GNPDA2: variants seen among roughly 807,000 people sequenced by gnomAD.
The protein encoded by GNPDA2 is glucosamine-6-phosphate deaminase 2, also known as glcN6P deaminase 2.
Under a neutral mutation model 27.0 loss-of-function variants are expected in GNPDA2, and 24 were observed. The ratio of observed to expected loss-of-function variants is 0.89; its 90% confidence interval spans 0.64 to 1.25. The LOEUF is 1.25. Ranked by LOEUF, GNPDA2 falls within the 50% of genes most tolerant of loss-of-function variation. The probability of loss-of-function intolerance (pLI) is 0.00; values close to 1 mark genes in which losing one functional copy is unlikely to be tolerated. For synonymous variants in GNPDA2, 94 were observed against 108.4 expected (o/e 0.87, Z 0.83); for missense variants, 286 against 335.1 (o/e 0.85, Z 1.14).
chr4:44,706,242 TTGATA>T (rs1201234714), intron 6 of GNPDA2: 2 of 151,864 alleles, frequency 1.3e-5, no homozygotes, highest in African/African-American at 4.8e-5. Flanking sequence ...GTTTTTCAGT[TTGATA>T]TATTTGTGGC....
intron 1 of GNPDA2, 61 bp from the exon 2 acceptor site, chr4:44,722,303 T>C: frequency 7.9e-7 from 1 of 1,262,656 alleles, no homozygotes; most frequent in Non-Finnish European, 1.1e-6. Flanking sequence ...ATTCAGTAAC[T>C]TTTTAAAAGA....
intron 3 of GNPDA2, among the ~76,000 whole-genome samples, chr4:44,718,081 T>C (rs1717424860): frequency 6.6e-6 from 1 of 151,898 alleles, no homozygotes; most frequent in Non-Finnish European, 1.5e-5. Flanking sequence ...GAGCTTCTGA[T>C]TTCTAGTCCT....
chr4:44,723,447 C>A (rs1717806893), intron 1 of GNPDA2, among the ~76,000 whole-genome samples: 1 of 152,134 alleles, frequency 6.6e-6, no homozygotes, highest in South Asian at 2.1e-4. Context: ...CTTTCCATCA[C>A]CACGTGTACA....
intron 2 of GNPDA2, among the ~76,000 whole-genome samples, chr4:44,721,686 G>A (rs1225028585): frequency 2.0e-5 from 3 of 151,916 alleles, no homozygotes; most frequent in Admixed American, 1.3e-4. Flanking sequence ...GGCAGGTGAA[G>A]TTAAATTAAG....
intron 4 of GNPDA2, chr4:44,714,538 G>A (rs1248404721): frequency 5.1e-6 from 5 of 985,160 alleles, no homozygotes; most frequent in Non-Finnish European, 6.0e-6. Flanking sequence ...CAAAGGGCAG[G>A]AGTGAAAAAC....
At chr4:44,703,424 T>C (rs1355245032) in intron 6 of GNPDA2, 1 of 1,151,720 alleles carries the variant, frequency 8.7e-7, no homozygotes, top group Non-Finnish European at 1.1e-6. Flanking sequence ...TCAAAGAGAT[T>C]AAGCATGACA....
chr4:44,720,337 G>A (rs1444875250), intron 2 of GNPDA2, among the ~76,000 whole-genome samples: 1 of 152,116 alleles, frequency 6.6e-6, no homozygotes, highest in Non-Finnish European at 1.5e-5. Flanking sequence ...TTCCAATCTA[G>A]ATAGGTCTGG....
chr4:44,705,075 T>C (rs1422210099), intron 6 of GNPDA2: 5 of 983,902 alleles, frequency 5.1e-6, no homozygotes, highest in Admixed American at 6.2e-5. Context: ...TTGGATCTAG[T>C]TAACCTAGAT....
intron 6 of GNPDA2, 136 bp from the exon 7 acceptor site, chr4:44,703,278 A>C: frequency 7.1e-7 from 1 of 1,407,668 alleles, no homozygotes; most frequent in Non-Finnish European, 9.2e-7. Flanking sequence ...AGTTTATTGA[A>C]AAAGTACAAA....
In GNPDA2 at chr4:44,702,248, A is replaced by G. The variant is rs544441208; in HGVS notation, c.*833T>C. On this transcript the variant is annotated 3_prime_UTR_variant, in exon 7 of 7. Coordinates refer to ENST00000295448, the MANE Select transcript of GNPDA2 (RefSeq NM_138335.3). The stretch of plus-strand genomic sequence containing the variant: ...AATGTAGTTTACAGTAATTCCTTTT[A>G]TATATACTTCGTATTATTCTTTTAG... 1 of 631,566 alleles carries G rather than the reference A, an allele frequency of 1.6e-6. No individual in the cohort carries two copies. Among genetic ancestry groups the G allele is most frequent in the Admixed American group, 6.3e-5 (1 of 15,768 alleles). 39.1% of individuals were successfully genotyped at this position (631,566 alleles called of 1,614,324 possible).
At chr4:44,712,828 G>A (rs1717057914) in intron 4 of GNPDA2, among the ~76,000 whole-genome samples, 1 of 152,104 alleles carries the variant, frequency 6.6e-6, no homozygotes, top group African/African-American at 2.4e-5. Flanking sequence ...AATAACTGAG[G>A]TTCCTGATAT....
At chr4:44,703,787 A>G (rs1399951776) in intron 6 of GNPDA2, 7 of 985,098 alleles carry the variant, frequency 7.1e-6, no homozygotes, top group Non-Finnish European at 8.4e-6. Flanking sequence ...GCTCTTAGCT[A>G]TGGAAGCTGC....
At position 44,722,154 on chromosome 4, in the gene GNPDA2, T is replaced by C. The variant is rs775874824; in HGVS notation, c.54A>G (p.Lys18=). The change falls in exon 2 of 7, where the codon AAA becomes AAG. Residue 18 remains lysine (K), a synonymous_variant. Coordinates refer to ENST00000295448, the MANE Select transcript of GNPDA2 (RefSeq NM_138335.3). ...ACTGAATGATGCGATTACAGATGTA[T>C]TTGGCTGCCCATTCACTAGCCAAGT... is the stretch of plus-strand genomic sequence containing the variant. ...NYDLASEWAA[K]YICNRIIQFK... 20 of 1,612,942 alleles carry C rather than the reference T, an allele frequency of 1.2e-5. No individual in the cohort carries two copies. In the East Asian group the frequency reaches 4.5e-4, roughly 36 times the overall value.
intron 1 of GNPDA2, 78 bp from the exon 2 acceptor site, chr4:44,722,320 TA>T: frequency 9.2e-7 from 1 of 1,092,314 alleles, no homozygotes; most frequent in Non-Finnish European, 1.3e-6. Flanking sequence ...AAGATGTAAA[TA>T]ATAAATAGAG....
At chr4:44,723,734 C>T (rs1254099380) in intron 1 of GNPDA2, among the ~76,000 whole-genome samples, 1 of 152,014 alleles carries the variant, frequency 6.6e-6, no homozygotes, top group Admixed American at 6.5e-5. Context: ...CAAAGAACTG[C>T]ACAAAAGGAA....
intron 2 of GNPDA2, among the ~76,000 whole-genome samples, chr4:44,718,844 C>T (rs995194764): frequency 1.3e-5 from 2 of 151,902 alleles, no homozygotes; most frequent in African/African-American, 4.8e-5. Context: ...AATATTGCCC[C>T]TACTTTCAAA....
chr4:44,714,535 C>T, intron 4 of GNPDA2: 1 of 985,330 alleles, frequency 1.0e-6, no homozygotes, highest in Non-Finnish European at 1.2e-6. Flanking sequence ...ATTCAAAGGG[C>T]AGGAGTGAAA....
At chr4:44,708,952 C>T (rs544067189) in intron 5 of GNPDA2, among the ~76,000 whole-genome samples, 2 of 152,102 alleles carry the variant, frequency 1.3e-5, no homozygotes, top group Non-Finnish European at 2.9e-5. Flanking sequence ...TATTCTGTAA[C>T]TGGCCCAAGG....
intron 4 of GNPDA2, among the ~76,000 whole-genome samples, chr4:44,711,463 T>G (rs1716975097): frequency 2.0e-5 from 3 of 152,158 alleles, no homozygotes; most frequent in Admixed American, 6.5e-5. Flanking sequence ...ATGGCCAGAT[T>G]AGCCAAATCT....
Sources: gnomAD v4.1 joint callset for allele counts (sites outside exome capture counted in the v4.1 genomes callset) on GRCh38, gnomAD v4.1.1 for gene constraint, MANE v1.5 for transcripts, NCBI Gene and HGNC (gene_info 2026-07-23, HGNC 2026-07-21) for gene names.